PHACTR3: variants seen among roughly 807,000 people sequenced by gnomAD.
PHACTR3 encodes the protein phosphatase and actin regulator 3.
In PHACTR3, 16 loss-of-function variants were observed where a neutral mutation model predicts 66.8. The observed-to-expected ratio is 0.24, with a 90% CI of 0.16 to 0.36. PHACTR3 has a LOEUF of 0.36. Ranked by LOEUF, PHACTR3 falls within the 10% of genes least tolerant of loss-of-function variation. The probability of loss-of-function intolerance (pLI) is 1.00; values close to 1 mark genes in which losing one functional copy is unlikely to be tolerated. For missense variants in PHACTR3, 647 were observed against 719.9 expected, an observed-to-expected ratio of 0.90 and a Z score of 1.16; for synonymous variants, 323 against 292.1, an observed-to-expected ratio of 1.11 and a Z score of -1.08.
At position 59,847,372 on chromosome 20, in the gene PHACTR3, A is replaced by G. The variant is rs985728267; in HGVS notation, c.*242A>G. ...GAACTGTTGGGGTCAGTTAAGACCCAACATAACTCTATCAGAAGAAAACTG... is the reference window on the plus strand; with the variant it reads ...GAACTGTTGGGGTCAGTTAAGACCCGACATAACTCTATCAGAAGAAAACTG... On this transcript the variant is annotated 3_prime_UTR_variant, in exon 13 of 13. Coordinates refer to ENST00000371015, the MANE Select transcript of PHACTR3 (RefSeq NM_080672.5). The G allele has an allele frequency of 2.4e-5, 9 of 380,776 alleles. No homozygotes were observed. Among genetic ancestry groups the G allele is most frequent in the Admixed American group, 7.8e-5 (2 of 25,602 alleles). 23.6% of individuals were successfully genotyped at this position (380,776 alleles called of 1,614,324 possible). A position where few individuals can be genotyped will look rare whatever the true frequency, so the allele number is the denominator to read the frequency against.
At chr20:59,806,664 C>T (rs1337295213) in intron 8 of PHACTR3, among the ~76,000 whole-genome samples, 1 of 152,202 alleles carries the variant, frequency 6.6e-6, no homozygotes, top group African/African-American at 2.4e-5. Context: ...ACCCCCCCAC[C>T]CACATACACA....
intron 8 of PHACTR3, among the ~76,000 whole-genome samples, chr20:59,822,432 G>A (rs1488758359): frequency 6.6e-6 from 1 of 150,844 alleles, no homozygotes; most frequent in Non-Finnish European, 1.5e-5. Flanking sequence ...AGGCGTGGGG[G>A]AGGGGAGGTC....
At chr20:59,782,149 G>A (rs2040746904) in intron 7 of PHACTR3, among the ~76,000 whole-genome samples, 1 of 152,168 alleles carries the variant, frequency 6.6e-6, no homozygotes, top group South Asian at 2.1e-4. Flanking sequence ...GAGTTGAAAG[G>A]TGTATTAGTC....
intron 1 of PHACTR3, among the ~76,000 whole-genome samples, chr20:59,674,834 T>TCTGCCTTCTC (rs1168817211): frequency 2.7e-4 from 12 of 44,980 alleles, no homozygotes; most frequent in African/African-American, 1.9e-3. Context: ...TTCTCCTGTT[T>TCTGCCTTCTC]CTGCCTTCTC....
intron 2 of PHACTR3, among the ~76,000 whole-genome samples, chr20:59,746,627 AT>A (rs1420714826): frequency 6.6e-6 from 1 of 152,192 alleles, no homozygotes; most frequent in East Asian, 1.9e-4. Context: ...AAATAATTCC[AT>A]TGCCAGTGCC....
intron 7 of PHACTR3, among the ~76,000 whole-genome samples, chr20:59,778,046 T>A (rs1488542875): frequency 1.3e-5 from 2 of 152,176 alleles, no homozygotes; most frequent in African/African-American, 4.8e-5. Flanking sequence ...TTTGTGCTGA[T>A]GTCCGGATGA....
chr20:59,687,961 C>T (rs893083213), intron 1 of PHACTR3, among the ~76,000 whole-genome samples: 4 of 152,154 alleles, frequency 2.6e-5, no homozygotes, highest in Non-Finnish European at 5.9e-5. Context: ...GTTTGTGGCT[C>T]ATGTGTCACT....
intron 8 of PHACTR3, among the ~76,000 whole-genome samples, chr20:59,808,532 C>T (rs1181166960): frequency 6.6e-6 from 1 of 152,212 alleles, no homozygotes; most frequent in Non-Finnish European, 1.5e-5. Context: ...CCCTAGTCCG[C>T]TCCTTCCCTC....
chr20:59,635,208 C>CTTT (rs1162114622), intron 1 of PHACTR3, among the ~76,000 whole-genome samples: 11 of 78,638 alleles, frequency 1.4e-4, no homozygotes, highest in African/African-American at 5.3e-4. Flanking sequence ...TTCTTTCTTT[C>CTTT]CTTCCTTCCT....
intron 8 of PHACTR3, among the ~76,000 whole-genome samples, chr20:59,811,574 G>A (rs1315853257): frequency 6.6e-6 from 1 of 152,110 alleles, no homozygotes; most frequent in Non-Finnish European, 1.5e-5. Flanking sequence ...CAGGAGAATC[G>A]CTTGAACCTG....
At chr20:59,742,717 A>G (rs757468300) in intron 1 of PHACTR3, among the ~76,000 whole-genome samples, 9 of 152,162 alleles carry the variant, frequency 5.9e-5, no homozygotes, top group Non-Finnish European at 1.2e-4. Context: ...GTCCTATTCA[A>G]TGGAGGAGCT....
intron 8 of PHACTR3, among the ~76,000 whole-genome samples, chr20:59,834,598 C>A (rs1179636560): frequency 2.0e-5 from 3 of 152,168 alleles, no homozygotes; most frequent in Non-Finnish European, 4.4e-5. Context: ...GATTACCCAC[C>A]CCCATCCTCA....
Position 59,830,903 on chromosome 20 carries a change from C to T in PHACTR3, c.1329-5602C>T, listed in dbSNP as rs554118508. On this transcript the variant is annotated intron_variant, in intron 8 of 12. Coordinates refer to ENST00000371015, the MANE Select transcript of PHACTR3 (RefSeq NM_080672.5). The surrounding 1 kb of genome is among the most constrained non-coding windows in gnomAD (Gnocchi z 5.8). Reference sequence around the variant, plus strand: ...TGACTGTGGAATAGACAGTTGACAGCCTCCACAGACCTGGAAATGTGGGTG... The same window carrying T: ...TGACTGTGGAATAGACAGTTGACAGTCTCCACAGACCTGGAAATGTGGGTG... Among the ~76,000 whole-genome samples, 20 of 152,252 alleles carry T rather than the reference C, an allele frequency of 1.3e-4. No homozygotes were observed. The highest frequency in any genetic ancestry group is 4.8e-4 in the African/African-American group (20 of 41,554).
At position 59,762,935 on chromosome 20, in the gene PHACTR3, G is replaced by A. The variant is rs1022241316; in HGVS notation, c.542-4251G>A. ...GTACAGGGTGGAGAGGACAAGAGAAGGATGGCGTGGGGCATCTGGTCTGGC... is the reference window on the plus strand; with the variant it reads ...GTACAGGGTGGAGAGGACAAGAGAAAGATGGCGTGGGGCATCTGGTCTGGC... On this transcript the variant is annotated intron_variant, in intron 4 of 12. Coordinates refer to ENST00000371015, the MANE Select transcript of PHACTR3 (RefSeq NM_080672.5). 8.5e-5 allele frequency among the ~76,000 whole-genome samples: 13 copies of A among 152,230 alleles called. No homozygotes were observed. The East Asian group carries it at 1.3e-3, about 16-fold the overall frequency.
intron 7 of PHACTR3, among the ~76,000 whole-genome samples, chr20:59,798,336 AT>A (rs1183054180): frequency 6.6e-6 from 1 of 152,210 alleles, no homozygotes; most frequent in East Asian, 1.9e-4. Flanking sequence ...ACACTATTAC[AT>A]TGGAGATTAA....
At position 59,686,785 on chromosome 20, in the gene PHACTR3, ATGATGATGGTGG is replaced by A. The variant is rs1568711776; in HGVS notation, c.119-56314_119-56303del. The stretch of plus-strand genomic sequence containing the variant: ...GATGATGATGGTGATGATGATGGTG[ATGATGATGGTGG>A]TGATGATTGTGATGATGATGGTGAT... On this transcript the variant is annotated intron_variant, in intron 1 of 12. Coordinates refer to ENST00000371015, the MANE Select transcript of PHACTR3 (RefSeq NM_080672.5). 1.7e-4 allele frequency among the ~76,000 whole-genome samples: 20 copies of A among 114,716 alleles called. No homozygotes were observed. The South Asian group carries it at 3.3e-3, about 19-fold the overall frequency. The allele number at this position is 114,716 out of a possible 152,430, so 75.3% of individuals were successfully genotyped here. A position where few individuals can be genotyped will look rare whatever the true frequency, so the allele number is the denominator to read the frequency against.
intron 7 of PHACTR3, among the ~76,000 whole-genome samples, chr20:59,794,481 A>T (rs901185897): frequency 6.6e-6 from 1 of 152,138 alleles, no homozygotes; most frequent in African/African-American, 2.4e-5. Context: ...ATCTATGTTC[A>T]TCAGGGATGC....
At chr20:59,652,284 T>C (rs1235254090) in intron 1 of PHACTR3, among the ~76,000 whole-genome samples, 1 of 152,180 alleles carries the variant, frequency 6.6e-6, no homozygotes, top group Non-Finnish European at 1.5e-5. Flanking sequence ...ACACCTGTAA[T>C]CCCAGCACTT....
At chr20:59,836,598 C>A in intron 9 of PHACTR3, 38 bp downstream of exon 9, 1 of 1,596,158 alleles carries the variant, frequency 6.3e-7, no homozygotes, top group Non-Finnish European at 8.6e-7. Context: ...TTTTCCTTCA[C>A]GTGTGGTGAG....
Sources: allele counts gnomAD v4.1 joint callset (sites outside exome capture counted in the v4.1 genomes callset), GRCh38; gene constraint gnomAD v4.1.1; non-coding constraint Gnocchi (gnomAD v3.1); transcripts MANE v1.5; gene names NCBI Gene and HGNC (gene_info 2026-07-23, HGNC 2026-07-21).